Variants in KATNBL1 observed in about 807,000 individuals in gnomAD.
KATNBL1 encodes the protein katanin regulatory subunit B1 like 1, also known as KATNB1-like protein 1.
KATNBL1 carries 28 observed loss-of-function variants against 44.7 expected under a neutral mutation model. The observed-to-expected ratio is 0.63, with a 90% confidence interval of 0.46 to 0.86. The LOEUF (loss-of-function observed/expected upper bound fraction) is 0.86. Among genes scored for constraint, KATNBL1 ranks in the 40% least tolerant of loss-of-function variants. The pLI is 0.00. For missense variants in KATNBL1, 272 were observed against 350.7 expected (o/e 0.78, Z 1.79); for synonymous variants, 78 against 114.9 (o/e 0.68, Z 2.06).
chr15:34,190,783 CA>C (rs1317481605), intron 1 of KATNBL1, among the ~76,000 whole-genome samples: 1 of 151,534 alleles, frequency 6.6e-6, no homozygotes, highest in Non-Finnish European at 1.5e-5. Context: ...ATATTCTTGC[CA>C]AAAAAAATCA....
intron 2 of KATNBL1, among the ~76,000 whole-genome samples, chr15:34,158,699 A>T (rs1189041403): frequency 6.6e-6 from 1 of 152,030 alleles, no homozygotes; most frequent in African/African-American, 2.4e-5. Context: ...TTGGCTCTGC[A>T]GATGCTTTAA....
At chr15:34,152,362 C>T (rs551079437) in intron 4 of KATNBL1, among the ~76,000 whole-genome samples, 3 of 152,266 alleles carry the variant, frequency 2.0e-5, no homozygotes, top group African/African-American at 7.2e-5. Flanking sequence ...CCCCACCATG[C>T]CCGGCTAATT....
chr15:34,168,328 A>G (rs1427472869), intron 1 of KATNBL1, among the ~76,000 whole-genome samples: 3 of 152,202 alleles, frequency 2.0e-5, no homozygotes, highest in Admixed American at 2.0e-4. Context: ...AACAAAGATC[A>G]AAAGAGACAA....
At chr15:34,203,083 A>G (rs139381679) in intron 1 of KATNBL1, among the ~76,000 whole-genome samples, 3 of 152,318 alleles carry the variant, frequency 2.0e-5, no homozygotes, top group African/African-American at 4.8e-5. Context: ...CCAGCTCCAC[A>G]TGGATATCCA....
chr15:34,198,930 T>C (rs974100670), intron 1 of KATNBL1, among the ~76,000 whole-genome samples: 1 of 152,238 alleles, frequency 6.6e-6, no homozygotes, highest in Admixed American at 6.5e-5. Flanking sequence ...TGCACTCGTT[T>C]AATCCCATTT....
At chr15:34,162,991 C>T (rs1380715873) in intron 2 of KATNBL1, among the ~76,000 whole-genome samples, 2 of 151,256 alleles carry the variant, frequency 1.3e-5, no homozygotes, top group Non-Finnish European at 2.9e-5. Flanking sequence ...TGGAATTCCT[C>T]TTTAACTAAA....
chr15:34,169,916 C>T (rs932496580), intron 1 of KATNBL1, among the ~76,000 whole-genome samples: 32 of 152,156 alleles, frequency 2.1e-4, no homozygotes, highest in Non-Finnish European at 4.1e-4. Context: ...TCTCAATAAA[C>T]TAGGTACTGA....
intron 1 of KATNBL1, among the ~76,000 whole-genome samples, chr15:34,174,645 A>G (rs1889268481): frequency 6.6e-6 from 1 of 152,158 alleles, no homozygotes; most frequent in South Asian, 2.1e-4. Flanking sequence ...AGGGGGGAAA[A>G]AAGTATCATG....
At chr15:34,193,236 C>A (rs7176218) in intron 1 of KATNBL1, among the ~76,000 whole-genome samples, 27,542 of 77,828 alleles carry the variant, frequency 0.35, 3,446 homozygotes, top group African/African-American at 0.44. Flanking sequence ...AAAAAAAAAA[C>A]AAAAAAAAAA....
chr15:34,156,390 G>C (rs1191231643), intron 2 of KATNBL1, among the ~76,000 whole-genome samples: 3 of 152,164 alleles, frequency 2.0e-5, no homozygotes, highest in Admixed American at 6.5e-5. Context: ...TGGTTGACTG[G>C]AGGACCATCA....
chr15:34,181,990 A>C (rs1359785691), intron 1 of KATNBL1, among the ~76,000 whole-genome samples: 6 of 150,836 alleles, frequency 4.0e-5, no homozygotes, highest in Middle Eastern at 3.4e-3. Context: ...AATTTACCAT[A>C]TGCCAGGTGT....
At chr15:34,166,627 T>G (rs369090064) in intron 1 of KATNBL1, among the ~76,000 whole-genome samples, 1 of 152,362 alleles carries the variant, frequency 6.6e-6, no homozygotes, top group African/African-American at 2.4e-5. Flanking sequence ...ATGGACAGAC[T>G]GCCTCCTCAA....
chr15:34,144,429 T>C (rs1203177780), intron 9 of KATNBL1, among the ~76,000 whole-genome samples: 1 of 150,582 alleles, frequency 6.6e-6, no homozygotes, highest in East Asian at 1.9e-4. Context: ...AATATATATA[T>C]ATATATATTT....
intron 2 of KATNBL1, chr15:34,154,909 G>C (rs1888593148): frequency 1.9e-6 from 1 of 534,552 alleles, no homozygotes; most frequent in East Asian, 3.2e-5. Context: ...CTATTGGCTA[G>C]GGTTGGACCG....
chr15:34,172,582 T>A (rs1324940260), intron 1 of KATNBL1, among the ~76,000 whole-genome samples: 3 of 152,142 alleles, frequency 2.0e-5, no homozygotes, highest in Admixed American at 2.0e-4. Flanking sequence ...AAAAGGGGGA[T>A]GATCAAGTGA....
chr15:34,181,867 A>ATATATATATG (rs1349215429), intron 1 of KATNBL1, among the ~76,000 whole-genome samples: 2 of 105,406 alleles, frequency 1.9e-5, no homozygotes, highest in Non-Finnish European at 3.8e-5. Context: ...ATATATATAT[A>ATATATATATG]TCCATATATA....
At chr15:34,177,101 A>T (rs1262779835) in intron 1 of KATNBL1, among the ~76,000 whole-genome samples, 1 of 152,246 alleles carries the variant, frequency 6.6e-6, no homozygotes, top group African/African-American at 2.4e-5. Context: ...AGAGAATAAA[A>T]GATTGAGAAG....
chr15:34,147,532 A>C (rs1456588036), intron 5 of KATNBL1, 102 bp from the exon 6 acceptor site: 1 of 909,330 alleles, frequency 1.1e-6, no homozygotes, highest in Non-Finnish European at 1.7e-6. Flanking sequence ...CATTCATTTA[A>C]CAATGTCAGT....
chr15:34,202,583 T>C (rs1253512690), intron 1 of KATNBL1, among the ~76,000 whole-genome samples: 1 of 152,202 alleles, frequency 6.6e-6, no homozygotes, highest in African/African-American at 2.4e-5. Flanking sequence ...ATGCCTCCTC[T>C]CTCAGGGAAC....
Sources: gnomAD v4.1 joint callset for allele counts (sites outside exome capture counted in the v4.1 genomes callset) on GRCh38, gnomAD v4.1.1 for gene constraint, MANE v1.5 for transcripts, NCBI Gene and HGNC (gene_info 2026-07-23, HGNC 2026-07-21) for gene names.